The following TMED3 variants were observed in gnomAD, a reference collection of about 807,000 sequenced individuals.
TMED3 encodes the protein transmembrane p24 trafficking protein 3.
TMED3 carries 9 observed loss-of-function variants against 15.0 expected under a neutral mutation model. The observed-to-expected ratio is 0.60, with a 90% CI of 0.36 to 1.04. The LOEUF (loss-of-function observed/expected upper bound fraction) is 1.04, where lower values mean the gene tolerates loss of function less well. Ranked by LOEUF, TMED3 falls within the 50% of genes least tolerant of loss-of-function variation. The pLI, the probability that TMED3 is intolerant of heterozygous loss-of-function variation, is 0.01. For missense variants in TMED3, 267 were observed against 278.9 expected (o/e 0.96, Z 0.30); for synonymous variants, 117 against 121.4 (o/e 0.96, Z 0.24).
chr15:79,366,553 G>T (rs1357701577), intron 2 of TMED3, among the ~76,000 whole-genome samples: 1 of 152,214 alleles, frequency 6.6e-6, no homozygotes, highest in African/African-American at 2.4e-5. Flanking sequence ...CTCAGGGCGA[G>T]CTAGGTGCCT....
rs141513403 is a variant in TMED3 at position 79,379,864 on chromosome 15, G to C, written c.418-31536G>C. On this transcript the variant is annotated intron_variant, in intron 2 of 2. Transcript: ENST00000424155. Reference sequence around the variant, plus strand: ...TTAAACATTTTATAAGCTGAAATAAGGTAATGGCAGAATAATTGGAATAAA... The same window carrying C: ...TTAAACATTTTATAAGCTGAAATAACGTAATGGCAGAATAATTGGAATAAA... Among the ~76,000 whole-genome samples the C allele has an allele frequency of 5.2e-3, 784 of 152,192 alleles. 9 individuals carry two copies. Among genetic ancestry groups the C allele is most frequent in the African/African-American group, 0.018 (763 of 41,532 alleles).
At chr15:79,363,677 A>G (rs1893174776) in intron 2 of TMED3, among the ~76,000 whole-genome samples, 1 of 152,246 alleles carries the variant, frequency 6.6e-6, no homozygotes, top group African/African-American at 2.4e-5. Context: ...CAGCAAAACA[A>G]TACTTTTAAA....
intron 2 of TMED3, among the ~76,000 whole-genome samples, chr15:79,351,784 T>A (rs2058892026): frequency 6.6e-6 from 1 of 152,168 alleles, no homozygotes; most frequent in Non-Finnish European, 1.5e-5. Flanking sequence ...AACATGTTTA[T>A]AGCAGCACAA....
chr15:79,410,455 G>T (rs1317904404), intron 2 of TMED3, among the ~76,000 whole-genome samples: 1 of 152,034 alleles, frequency 6.6e-6, no homozygotes, highest in African/African-American at 2.4e-5. Context: ...CTGTGATGTG[G>T]CCAGCAAAAG....
intron 2 of TMED3, among the ~76,000 whole-genome samples, chr15:79,314,863 C>T (rs1189850168): frequency 6.6e-6 from 1 of 152,196 alleles, no homozygotes; most frequent in African/African-American, 2.4e-5. Flanking sequence ...CCTTCCCTTT[C>T]ATATGCAGGC....
chr15:79,330,464 A>G (rs1311546051), intron 2 of TMED3, among the ~76,000 whole-genome samples: 2 of 152,218 alleles, frequency 1.3e-5, no homozygotes, highest in African/African-American at 4.8e-5. Flanking sequence ...ATACCTAGGT[A>G]TAAATTTAAC....
rs1014582025 is a variant in TMED3, at chr15:79,352,065, G to A, written c.417+38060G>A. Among the ~76,000 whole-genome samples, 2 of 151,632 alleles carry A rather than the reference G, an allele frequency of 1.3e-5. 1 individual carries two copies. The highest frequency in any genetic ancestry group is 4.8e-5 in the African/African-American group (2 of 41,250). ...GATACAATGGGCTTTGGGGACTCGGGGGGAAAGAGTAGGAGGGGGGTGAGG... is the reference window on the plus strand; with the variant it reads ...GATACAATGGGCTTTGGGGACTCGGAGGGAAAGAGTAGGAGGGGGGTGAGG... On this transcript the variant is annotated intron_variant, in intron 2 of 2. Transcript: ENST00000424155.
intron 2 of TMED3, among the ~76,000 whole-genome samples, chr15:79,341,437 C>A (rs1435255375): frequency 6.6e-6 from 1 of 152,002 alleles, no homozygotes. Context: ...ATAAAGATTG[C>A]CATAATATAC....
intron 2 of TMED3, among the ~76,000 whole-genome samples, chr15:79,320,954 G>A (rs117297949): frequency 6.6e-6 from 1 of 152,158 alleles, no homozygotes; most frequent in Non-Finnish European, 1.5e-5. Flanking sequence ...GTTCTTTGTG[G>A]TTGTAGGACT....
At chr15:79,353,743 T>A (rs1161069644) in intron 2 of TMED3, among the ~76,000 whole-genome samples, 1 of 151,720 alleles carries the variant, frequency 6.6e-6, no homozygotes, top group Non-Finnish European at 1.5e-5. Flanking sequence ...TTTTAAAAAA[T>A]GAAGACATTA....
chr15:79,399,976 A>C (rs1158774950), intron 2 of TMED3, among the ~76,000 whole-genome samples: 1 of 152,236 alleles, frequency 6.6e-6, no homozygotes, highest in Non-Finnish European at 1.5e-5. Context: ...ATCCCAGGTC[A>C]GGAAATTGCT....
intron 2 of TMED3, among the ~76,000 whole-genome samples, chr15:79,378,355 C>T (rs1893465187): frequency 6.6e-6 from 1 of 152,182 alleles, no homozygotes; most frequent in African/African-American, 2.4e-5. Flanking sequence ...GGCCCATTTT[C>T]CAGTCTTAGG....
rs571692486 is a variant in TMED3, at chr15:79,322,513, T to C, written c.*299T>C. 8.3e-7 allele frequency: 1 copy of C among 1,204,578 alleles called. No homozygotes were observed. The highest frequency in any genetic ancestry group is 1.0e-6 in the Non-Finnish European group (1 of 966,120). The allele number at this position is 1,204,578 out of a possible 1,614,324, so 74.6% of individuals were successfully genotyped here. ...AGGCAATGGTTCAGTGGCCTGGCTG[T>C]TGGCAGGAACTCCAAGTGCCCAGGC... On this transcript the variant is annotated 3_prime_UTR_variant, in exon 3 of 3. Coordinates refer to ENST00000299705, the MANE Select transcript of TMED3 (RefSeq NM_007364.4).
exon 3 of TMED3, chr15:79,411,527 T>G: frequency 1.4e-6 from 1 of 701,184 alleles, no homozygotes; most frequent in Non-Finnish European, 2.6e-6. Context: ...GGGGAGGCAC[T>G]GAGAGTGGAT....
rs74333744 is a variant in TMED3 at position 79,316,693 on chromosome 15, C to A, written c.417+2688C>A. Among the ~76,000 whole-genome samples the A allele has an allele frequency of 6.2e-3, 943 of 152,268 alleles. 6 individuals carry two copies. Among genetic ancestry groups the A allele is most frequent in the Non-Finnish European group, 0.01 (708 of 68,030 alleles). ...TCAGGGTGTCCTAGAGACCGACAGT[C>A]ACCATGAAGTGGCAACTATAATCCC... On this transcript the variant is annotated intron_variant, in intron 2 of 2. Coordinates refer to ENST00000299705, the MANE Select transcript of TMED3 (RefSeq NM_007364.4).
chr15:79,378,785 T>A (rs1245065750), intron 2 of TMED3, among the ~76,000 whole-genome samples: 1 of 152,232 alleles, frequency 6.6e-6, no homozygotes, highest in Non-Finnish European at 1.5e-5. Context: ...ATTTTACTTA[T>A]GGCCAAAATG....
At chr15:79,369,125 G>A (rs1893291397) in intron 2 of TMED3, among the ~76,000 whole-genome samples, 1 of 151,018 alleles carries the variant, frequency 6.6e-6, no homozygotes, top group Admixed American at 6.6e-5. Context: ...TGCAAATATA[G>A]CCTTTTACCT....
In TMED3 at chr15:79,405,731, C is replaced by T. The variant is rs922034654; in HGVS notation, c.418-5669C>T. Among the ~76,000 whole-genome samples the T allele has an allele frequency of 2.2e-4, 33 of 152,194 alleles. 2 individuals carry two copies. The highest frequency in any genetic ancestry group is 1.7e-3 in the Admixed American group (26 of 15,284). Reference sequence around the variant, plus strand: ...TACTTTCCGCTTCTGGCTCATCAATCCAGTTAGCATGATGTCATTCATATA... The same window carrying T: ...TACTTTCCGCTTCTGGCTCATCAATTCAGTTAGCATGATGTCATTCATATA... On this transcript the variant is annotated intron_variant, in intron 2 of 2. Transcript: ENST00000424155.
intron 2 of TMED3, among the ~76,000 whole-genome samples, chr15:79,339,069 C>T (rs2058839316): frequency 6.6e-6 from 1 of 152,210 alleles, no homozygotes; most frequent in South Asian, 2.1e-4. Flanking sequence ...CATGTTCCAT[C>T]CTGTACTCCT....
Sources: allele counts gnomAD v4.1 joint callset (sites outside exome capture counted in the v4.1 genomes callset), GRCh38; gene constraint gnomAD v4.1.1; transcripts MANE v1.5; gene names NCBI Gene and HGNC (gene_info 2026-07-23, HGNC 2026-07-21).